KIF26B: variants seen among roughly 807,000 people sequenced by gnomAD.
KIF26B encodes kinesin-like protein KIF26B.
In KIF26B, 63 loss-of-function variants were observed where a neutral mutation model predicts 151.2. That is an observed-to-expected ratio of 0.42 (90% CI 0.34 to 0.51). The LOEUF (loss-of-function observed/expected upper bound fraction) is 0.51. Ranked by LOEUF, KIF26B falls within the 20% of genes least tolerant of loss-of-function variation. The pLI is 0.07. For synonymous variants in KIF26B, 1,357 were observed against 1,262.1 expected, an observed-to-expected ratio of 1.08 and a Z score of -1.59; for missense variants, 2,813 against 2,913.6, an observed-to-expected ratio of 0.97 and a Z score of 0.79.
In KIF26B at chr1:245,685,680, C is replaced by T. The variant is rs758612748; in HGVS notation, c.2697C>T (p.Thr899=). The change falls in exon 12 of 15, where the codon ACC becomes ACT. Residue 899 remains threonine (T), a synonymous_variant. Transcript: ENST00000407071. ...FVPIVPALQK[T]RGDSRPAEAG... is the part of the protein sequence containing the mutation. ...CTATCGTGCCAGCCCTGCAGAAGACCCGGGGCGACAGCCGGCCCGCAGAGG... is the reference window on the plus strand; with the variant it reads ...CTATCGTGCCAGCCCTGCAGAAGACTCGGGGCGACAGCCGGCCCGCAGAGG... 6.2e-7 allele frequency: 1 copy of T among 1,612,970 alleles called. No homozygotes were observed. The highest frequency in any genetic ancestry group is 1.7e-5 in the Admixed American group (1 of 59,976).
chr1:245,649,775 T>C (rs1023182592), intron 10 of KIF26B, among the ~76,000 whole-genome samples: 1 of 151,710 alleles, frequency 6.6e-6, no homozygotes, highest in Non-Finnish European at 1.5e-5. Context: ...TGCTTGCTCC[T>C]GGGAAATTCG....
At chr1:245,338,984 G>GGT (rs1553348303) in intron 2 of KIF26B, among the ~76,000 whole-genome samples, 4,116 of 140,808 alleles carry the variant, frequency 0.029, 178 homozygotes, top group African/African-American at 0.093. Flanking sequence ...TGCTTTTAGG[G>GGT]TTTTTTTTTT....
intron 5 of KIF26B, among the ~76,000 whole-genome samples, chr1:245,541,576 G>T (rs766688745): frequency 6.6e-6 from 1 of 152,176 alleles, no homozygotes; most frequent in Non-Finnish European, 1.5e-5. Context: ...AAGCGTTTGG[G>T]TGAAGTAACT....
chr1:245,321,823 T>C (rs1296128557), intron 2 of KIF26B, among the ~76,000 whole-genome samples: 1 of 152,158 alleles, frequency 6.6e-6, no homozygotes, highest in East Asian at 1.9e-4. Flanking sequence ...GCCCTGACTA[T>C]TGTAGCCAAG....
At chr1:245,455,643 C>T (rs191008895) in intron 4 of KIF26B, among the ~76,000 whole-genome samples, 221 of 152,286 alleles carry the variant, frequency 1.5e-3, no homozygotes, top group Non-Finnish European at 2.2e-3. Flanking sequence ...CTTCTTCTCC[C>T]GTCATTGAGA....
chr1:245,538,466 G>A (rs908309144), intron 4 of KIF26B, among the ~76,000 whole-genome samples: 2 of 151,952 alleles, frequency 1.3e-5, no homozygotes, highest in Non-Finnish European at 2.9e-5. Context: ...AAACCTTGGA[G>A]GGATATCCTG....
Position 245,684,307 on chromosome 1 carries a change from T to C in KIF26B, c.2333T>C (p.Ile778Thr). 1 of 1,613,900 alleles carries C rather than the reference T, an allele frequency of 6.2e-7. No homozygotes were observed. Among genetic ancestry groups the C allele is most frequent in the South Asian group, 1.1e-5 (1 of 91,074 alleles). Reference sequence around the variant, plus strand: ...TGCCGTACCACCATGATCGCGCACATCTCGGCCGCGGTCGGGAGCTACGCG... The same window carrying C: ...TGCCGTACCACCATGATCGCGCACACCTCGGCCGCGGTCGGGAGCTACGCG... ...MNCRTTMIAH[I>T]SAAVGSYAET... Residue 778 changes from isoleucine to threonine, a missense_variant, in exon 11 of 15, where the codon ATC (isoleucine) becomes ACC (threonine). By Grantham distance (89) the Ile-to-Thr change is moderately conservative (BLOSUM62 -1). Around this residue, in one of 3 missense-constraint regions of KIF26B, gnomAD observed 2,060 missense variants for 2,088.6 expected, o/e 0.99. Coordinates refer to ENST00000407071, the MANE Select transcript of KIF26B (RefSeq NM_018012.4).
At chr1:245,591,606 C>T (rs537194005) in intron 5 of KIF26B, among the ~76,000 whole-genome samples, 1 of 152,310 alleles carries the variant, frequency 6.6e-6, no homozygotes, top group African/African-American at 2.4e-5. Flanking sequence ...GCTCTGACAG[C>T]GAGTGTCACT....
intron 4 of KIF26B, among the ~76,000 whole-genome samples, chr1:245,476,645 C>A (rs1278581103): frequency 6.6e-6 from 1 of 151,484 alleles, no homozygotes; most frequent in Admixed American, 6.6e-5. Context: ...AAGTGATGCT[C>A]ACACCTCAGC....
intron 5 of KIF26B, among the ~76,000 whole-genome samples, chr1:245,583,780 T>C (rs1186824101): frequency 6.6e-6 from 1 of 152,204 alleles, no homozygotes; most frequent in Non-Finnish European, 1.5e-5. Flanking sequence ...TGGCCAGTGT[T>C]CGCTTACCCA....
intron 4 of KIF26B, among the ~76,000 whole-genome samples, chr1:245,529,527 T>C (rs1661314085): frequency 6.6e-6 from 1 of 152,212 alleles, no homozygotes; most frequent in South Asian, 2.1e-4. Context: ...AACTCTTGCT[T>C]TGTACTTCTG....
chr1:245,511,876 C>T (rs2103084497), intron 4 of KIF26B, among the ~76,000 whole-genome samples: 1 of 152,254 alleles, frequency 6.6e-6, no homozygotes, highest in South Asian at 2.1e-4. Flanking sequence ...CAGTTTATTT[C>T]ACAAGAGAAA....
chr1:245,656,198 C>T (rs1165293357), intron 10 of KIF26B, among the ~76,000 whole-genome samples: 1 of 150,442 alleles, frequency 6.6e-6, no homozygotes, highest in Non-Finnish European at 1.5e-5. Context: ...TGATAATATA[C>T]GCACATCAGC....
At chr1:245,439,357 A>G (rs72761183) in intron 4 of KIF26B, among the ~76,000 whole-genome samples, 8 of 125,016 alleles carry the variant, frequency 6.4e-5, no homozygotes, top group Middle Eastern at 4.0e-3. Flanking sequence ...AAAAAAAAAA[A>G]AAAAAAGAAA....
At position 245,155,326 on chromosome 1, in the gene KIF26B, G is replaced by C. The variant is rs1167069922; in HGVS notation, c.-99G>C. On this transcript the variant is annotated 5_prime_UTR_variant, in exon 1 of 15. Coordinates refer to ENST00000407071, the MANE Select transcript of KIF26B (RefSeq NM_018012.4). ...GAAGAAACCTTGCCCTGAGGGCTGA[G>C]AGCCAGCCCCCTGCAGCCGGGGGAC... 1.3e-5 allele frequency: 13 copies of C among 989,156 alleles called. No individual in the cohort carries two copies. In the East Asian group the frequency reaches 3.4e-4, roughly 26 times the overall value. 61.3% of individuals were successfully genotyped at this position (989,156 alleles called of 1,614,324 possible).
At chr1:245,449,291 A>G (rs1422763779) in intron 4 of KIF26B, among the ~76,000 whole-genome samples, 2 of 152,204 alleles carry the variant, frequency 1.3e-5, no homozygotes, top group Non-Finnish European at 2.9e-5. Flanking sequence ...GAACCAGGGC[A>G]TTTCTAAAAA....
chr1:245,697,677 A>C (rs138336815), intron 12 of KIF26B, among the ~76,000 whole-genome samples: 1 of 152,234 alleles, frequency 6.6e-6, no homozygotes, highest in East Asian at 1.9e-4. Context: ...GCCCTACCTC[A>C]GATCCTGGGG....
At position 245,686,806 on chromosome 1, in the gene KIF26B, C is replaced by T. The variant is rs199597747; in HGVS notation, c.3823C>T (p.Arg1275Cys). Reference protein sequence around the residue: ...DEKAQDAGSRRSSISSWLSEM... With the variant: ...DEKAQDAGSRCSSISSWLSEM... ...GAAGGCCCAGGACGCAGGGAGCAGA[C>T]GCTCTTCCATCAGCTCCTGGCTGAG... Residue 1275 changes from arginine to cysteine, a missense_variant, in exon 12 of 15, where the codon CGC becomes TGC. Transcript: ENST00000407071. The surrounding 1 kb of genome is among the most constrained non-coding windows in gnomAD (Gnocchi z 5.6). 5.8e-5 allele frequency: 93 copies of T among 1,613,526 alleles called. No individual in the cohort carries two copies. The highest frequency in any genetic ancestry group is 3.3e-4 in the Middle Eastern group (2 of 6,062).
Position 245,698,442 on chromosome 1 carries a change from G to A in KIF26B, c.6027+134G>A. On this transcript the variant is annotated intron_variant, in intron 13 of 14. Transcript: ENST00000407071. The surrounding 1 kb of genome is among the most constrained non-coding windows in gnomAD (Gnocchi z 4.0). Reference sequence around the variant, plus strand: ...CAGCGGGCTTCTGGCATGGGTGGTGGGAAGGGGGCTTCTGTCCCAGCAAAG... The same window carrying A: ...CAGCGGGCTTCTGGCATGGGTGGTGAGAAGGGGGCTTCTGTCCCAGCAAAG... 1.3e-6 allele frequency: 1 copy of A among 752,612 alleles called. No individual in the cohort carries two copies. Among genetic ancestry groups the A allele is most frequent in the Non-Finnish European group, 2.1e-6 (1 of 468,960 alleles). 46.6% of individuals were successfully genotyped at this position (752,612 alleles called of 1,614,324 possible).
Sources: gnomAD v4.1 joint callset for allele counts (sites outside exome capture counted in the v4.1 genomes callset) on GRCh38, gnomAD v4.1.1 for gene constraint, gnomAD v4.1.1 regional missense constraint, Gnocchi (gnomAD v3.1) non-coding constraint, MANE v1.5 for transcripts, NCBI Gene and HGNC (gene_info 2026-07-23, HGNC 2026-07-21) for gene names.